Variants in HDAC9 observed in about 807,000 individuals in gnomAD.
HDAC9 encodes MEF-2 interacting transcription repressor (MITR) protein.
In HDAC9, 41 loss-of-function variants were observed where a neutral mutation model predicts 139.4. The ratio of observed to expected loss-of-function variants is 0.29; its 90% confidence interval spans 0.23 to 0.38. The LOEUF (loss-of-function observed/expected upper bound fraction) is 0.38, where lower values mean the gene tolerates loss of function less well. Ranked by LOEUF, HDAC9 falls within the 10% of genes least tolerant of loss-of-function variation. The pLI is 1.00. For synonymous variants in HDAC9, 517 were observed against 476.2 expected (o/e 1.09, Z -1.12); for missense variants, 1,147 against 1,297.0 (o/e 0.88, Z 1.78).
intron 1 of HDAC9, among the ~76,000 whole-genome samples, chr7:18,157,205 T>C (rs2083839108): frequency 6.6e-6 from 1 of 152,140 alleles, no homozygotes. Flanking sequence ...GGACTCATAG[T>C]CAGCTGATAT....
chr7:18,363,402 G>T (rs1783932948), intron 1 of HDAC9, among the ~76,000 whole-genome samples: 1 of 152,084 alleles, frequency 6.6e-6, no homozygotes, highest in Non-Finnish European at 1.5e-5. Context: ...GAAAGAACTG[G>T]CACACATTTG....
At chr7:18,516,862 G>GAAAAAAAAAAAAA (rs35689821) in intron 2 of HDAC9, among the ~76,000 whole-genome samples, 3 of 55,090 alleles carry the variant, frequency 5.4e-5, no homozygotes, top group African/African-American at 1.9e-4. Flanking sequence ...CTCCATTTCA[G>GAAAAAAAAAAAAA]AAAAAAAAAA....
intron 1 of HDAC9, among the ~76,000 whole-genome samples, chr7:18,421,181 G>C (rs984562146): frequency 6.6e-6 from 1 of 152,134 alleles, no homozygotes; most frequent in Non-Finnish European, 1.5e-5. Flanking sequence ...AGTTGATTCT[G>C]TAGTGTTTTC....
chr7:18,543,465 C>G (rs1813678383), intron 2 of HDAC9: 2 of 152,296 alleles, frequency 1.3e-5, no homozygotes, highest in Admixed American at 6.5e-5. Context: ...TTTCCCTTCT[C>G]AAAACCAAGC....
In HDAC9 at chr7:18,740,211, C is replaced by A. The variant is rs551311419; in HGVS notation, c.1910-8794C>A. Reference sequence around the variant, plus strand: ...TGGCTAGGAAAGGGAAATCCCCCAACCCCTTGTGCTTCCTGGGTGAGGTGA... The same window carrying A: ...TGGCTAGGAAAGGGAAATCCCCCAAACCCTTGTGCTTCCTGGGTGAGGTGA... On this transcript the variant is annotated intron_variant, in intron 13 of 25. Transcript: ENST00000686413. Among the ~76,000 whole-genome samples, 12 of 152,306 alleles carry A rather than the reference C, an allele frequency of 7.9e-5. No homozygotes were observed. In the East Asian group the frequency reaches 2.3e-3, roughly 29 times the overall value.
At chr7:18,811,888 C>A (rs1261646288) in intron 17 of HDAC9, among the ~76,000 whole-genome samples, 1 of 151,028 alleles carries the variant, frequency 6.6e-6, no homozygotes, top group Non-Finnish European at 1.5e-5. Flanking sequence ...GAGAGAGAGA[C>A]AAAATATGTA....
At chr7:18,434,785 G>A (rs751486728) in intron 1 of HDAC9, among the ~76,000 whole-genome samples, 2 of 152,136 alleles carry the variant, frequency 1.3e-5, no homozygotes, top group African/African-American at 2.4e-5. Context: ...CTTATACACA[G>A]TTGGTGGGAA....
intron 19 of HDAC9, among the ~76,000 whole-genome samples, chr7:18,832,739 A>T (rs10276963): frequency 0.013 from 1,985 of 147,204 alleles, 42 homozygotes; most frequent in African/African-American, 0.049. Flanking sequence ...ATATATATAT[A>T]TTTTTTTTTT....
intron 1 of HDAC9, among the ~76,000 whole-genome samples, chr7:18,110,026 T>A (rs1562629386): frequency 1.3e-5 from 2 of 152,168 alleles, no homozygotes; most frequent in Non-Finnish European, 2.9e-5. Flanking sequence ...TCACTTGAGA[T>A]AATTTAAAGA....
intron 1 of HDAC9, among the ~76,000 whole-genome samples, chr7:18,320,793 A>T (rs1303659787): frequency 1.3e-5 from 2 of 152,136 alleles, no homozygotes; most frequent in African/African-American, 4.8e-5. Flanking sequence ...AGTGTTGTGG[A>T]AAGAGCACTG....
chr7:18,520,348 A>G (rs1380415911), intron 2 of HDAC9, among the ~76,000 whole-genome samples: 2 of 152,112 alleles, frequency 1.3e-5, no homozygotes, highest in South Asian at 2.1e-4. Flanking sequence ...TATCACAACT[A>G]TAGAAGAAAT....
At chr7:18,670,785 C>T (rs1280759995) in intron 12 of HDAC9, among the ~76,000 whole-genome samples, 2 of 151,908 alleles carry the variant, frequency 1.3e-5, no homozygotes, top group Non-Finnish European at 2.9e-5. Flanking sequence ...TCTCTCTCCT[C>T]ATTAGCATTT....
At position 18,547,442 on chromosome 7, in the gene HDAC9, A is replaced by G. The variant is rs1333446277; in HGVS notation, c.23-37839A>G. 2.6e-5 allele frequency among the ~76,000 whole-genome samples: 4 copies of G among 152,252 alleles called. No individual in the cohort carries two copies. The East Asian group carries it at 5.8e-4, about 22-fold the overall frequency. ...AGTGGAGACGGGGTTTCACCATGTT[A>G]GCCAGGACAGTCTTGATCTCCTGAC... On this transcript the variant is annotated intron_variant, in intron 2 of 25. Coordinates refer to ENST00000686413, the MANE Select transcript of HDAC9 (RefSeq NM_178425.4).
intron 1 of HDAC9, among the ~76,000 whole-genome samples, chr7:18,151,587 C>T (rs1342504111): frequency 6.6e-6 from 1 of 152,136 alleles, no homozygotes; most frequent in Non-Finnish European, 1.5e-5. Flanking sequence ...AAAGCTGCAG[C>T]CTATATTGTA....
intron 21 of HDAC9, among the ~76,000 whole-genome samples, chr7:18,851,200 G>A (rs1406712531): frequency 6.6e-6 from 1 of 152,102 alleles, no homozygotes; most frequent in Non-Finnish European, 1.5e-5. Flanking sequence ...ACTTTCTTGG[G>A]TGCTGATACG....
intron 21 of HDAC9, among the ~76,000 whole-genome samples, chr7:18,841,013 T>G (rs1183223806): frequency 6.6e-6 from 1 of 152,118 alleles, no homozygotes; most frequent in Non-Finnish European, 1.5e-5. Context: ...AAGTCAATAA[T>G]GGTCAGCCTA....
chr7:18,585,528 A>C lies in HDAC9; in HGVS notation c.264+6A>C. On this transcript the variant is annotated splice_donor_region_variant and intron_variant, in intron 3 of 25. Coordinates refer to ENST00000686413, the MANE Select transcript of HDAC9 (RefSeq NM_178425.4). ...AGCTTCAGGAGCATATCAAGGTAGC[A>C]AATGCTTCTTTGTCTGTGACCTTAC... The C allele has an allele frequency of 6.2e-7, 1 of 1,612,982 alleles. No individual in the cohort carries two copies. Among genetic ancestry groups the C allele is most frequent in the East Asian group, 2.2e-5 (1 of 44,880 alleles).
intron 12 of HDAC9, among the ~76,000 whole-genome samples, chr7:18,683,511 T>C (rs755651157): frequency 5.3e-5 from 8 of 152,014 alleles, no homozygotes; most frequent in Non-Finnish European, 1.2e-4. Context: ...TTCTAAAGAC[T>C]GAAAGTAGGA....
At chr7:18,227,019 G>C (rs1793099935) in intron 2 of HDAC9, among the ~76,000 whole-genome samples, 1 of 152,200 alleles carries the variant, frequency 6.6e-6, no homozygotes, top group African/African-American at 2.4e-5. Context: ...GGAGGTTTGT[G>C]GGAGGGGACG....
Sources: gnomAD v4.1 joint callset for allele counts (sites outside exome capture counted in the v4.1 genomes callset) on GRCh38, gnomAD v4.1.1 for gene constraint, MANE v1.5 for transcripts, NCBI Gene and HGNC (gene_info 2026-07-23, HGNC 2026-07-21) for gene names.